Variants in SMG1 observed in about 807,000 individuals in gnomAD.
SMG1 encodes SMG1 nonsense mediated mRNA decay associated PI3K related kinase.
A neutral mutation model predicts 419.9 loss-of-function variants in SMG1; 22 were observed. The ratio of observed to expected loss-of-function variants is 0.05; its 90% confidence interval spans 0.04 to 0.07. The LOEUF is 0.07. SMG1 is among the 10% of genes least tolerant of loss of function. The pLI is 1.00. For missense variants in SMG1, 3,185 were observed against 4,342.0 expected (o/e 0.73, Z 7.49); for synonymous variants, 1,538 against 1,553.5 (o/e 0.99, Z 0.23).
rs573508089 is a variant in SMG1 at position 18,854,575 on chromosome 16, C to G, written c.4483+81G>C. 5.0e-5 allele frequency: 67 copies of G among 1,338,974 alleles called. No individual in the cohort carries two copies. The East Asian group carries it at 1.4e-3, about 28-fold the overall frequency. 82.9% of individuals were successfully genotyped at this position (1,338,974 alleles called of 1,614,324 possible). ...AAATGATCAACTTTGCTATTACTAC[C>G]TTATACCATACATACACAGTAACAT... On this transcript the variant is annotated intron_variant, in intron 30 of 62. Coordinates refer to ENST00000446231, the MANE Select transcript of SMG1 (RefSeq NM_015092.5).
Position 18,852,147 on chromosome 16 carries a change from G to T in SMG1, c.4972C>A (p.Pro1658Thr). The T allele has an allele frequency of 1.9e-6, 3 of 1,613,798 alleles. No homozygotes were observed. The highest frequency in any genetic ancestry group is 2.5e-6 in the Non-Finnish European group (3 of 1,179,840). ...REKSEVQNLL[P>T]DTITEEEKER... ...TTCTCTTCCTCAGTTATAGTGTCTG[G>T]AAGTAGATTCTGAACTTCAGATTTT... is the stretch of plus-strand genomic sequence containing the variant. The change falls in exon 33 of 63, where the codon CCA becomes ACA. Residue 1658 changes from proline (P) to threonine (T), a missense_variant. Pro to Thr is a conservative substitution (Grantham distance 38). Transcript: ENST00000446231.
chr16:18,912,145 T>A (rs34573093), intron 1 of SMG1, among the ~76,000 whole-genome samples: 44,708 of 147,330 alleles, frequency 0.3, 7,569 homozygotes, highest in Non-Finnish European at 0.38. Flanking sequence ...TAAAACACAC[T>A]GGTTCTATTT....
Position 18,808,082 on chromosome 16 carries a change from G to C in SMG1, c.*1487C>G, listed in dbSNP as rs2031018811. 6.6e-6 allele frequency: 1 copy of C among 152,136 alleles called. No homozygotes were observed. Among genetic ancestry groups the C allele is most frequent in the Non-Finnish European group, 1.5e-5 (1 of 68,032 alleles). 9.4% of individuals were successfully genotyped at this position (152,136 alleles called of 1,614,324 possible). ...AGCCAACAATTAAGATTTTAATTGT[G>C]TTCTATTTTGTATTGATACTTGATT... On this transcript the variant is annotated 3_prime_UTR_variant, in exon 63 of 63. Coordinates refer to ENST00000446231, the MANE Select transcript of SMG1 (RefSeq NM_015092.5).
rs773787855 is a variant in SMG1 at position 18,864,157 on chromosome 16, T to G, written c.3351-13A>C. 6.8e-7 allele frequency: 1 copy of G among 1,480,624 alleles called. No individual in the cohort carries two copies. Among genetic ancestry groups the G allele is most frequent in the Non-Finnish European group, 9.0e-7 (1 of 1,109,756 alleles). 91.7% of individuals were successfully genotyped at this position (1,480,624 alleles called of 1,614,324 possible). A position where few individuals can be genotyped will look rare whatever the true frequency, so the allele number is the denominator to read the frequency against. The stretch of plus-strand genomic sequence containing the variant: ...GGCCTTTTCAAACCTGAAAAGCAAA[T>G]TGAAGCAGTCTTATTTATTTATCTA... On this transcript the variant is annotated splice_polypyrimidine_tract_variant and intron_variant, in intron 23 of 62. Coordinates refer to ENST00000446231, the MANE Select transcript of SMG1 (RefSeq NM_015092.5).
At chr16:18,913,479 C>T (rs2037862050) in intron 1 of SMG1, among the ~76,000 whole-genome samples, 1 of 151,068 alleles carries the variant, frequency 6.6e-6, no homozygotes, top group African/African-American at 2.4e-5. Context: ...ACTTTAAATT[C>T]AAAGAGCTTC....
intron 5 of SMG1, 130 bp downstream of exon 5, chr16:18,890,733 A>G (rs2141807056): frequency 1.6e-6 from 1 of 632,176 alleles, no homozygotes; most frequent in East Asian, 2.8e-5. Context: ...GATAAAAATG[A>G]CAAGACCCAC....
intron 41 of SMG1, among the ~76,000 whole-genome samples, chr16:18,841,271 G>GC (rs919161153): frequency 2.6e-5 from 4 of 151,400 alleles, no homozygotes; most frequent in Admixed American, 1.3e-4. Context: ...GTGGTTGTGC[G>GC]CCCCCCATAG....
chr16:18,829,903 T>C (rs1567330091), intron 53 of SMG1, 23 bp downstream of exon 53: 3 of 1,507,696 alleles, frequency 2.0e-6, no homozygotes, highest in East Asian at 2.3e-5. Context: ...CTAAAGCTAG[T>C]ATGTTTACAG....
In SMG1 at chr16:18,894,615, A is replaced by C. The variant is rs192931790; in HGVS notation, c.412+1437T>G. 2.7e-3 allele frequency among the ~76,000 whole-genome samples: 404 copies of C among 151,580 alleles called. 3 individuals carry two copies. The highest frequency in any genetic ancestry group is 9.3e-3 in the African/African-American group (383 of 41,326). On this transcript the variant is annotated intron_variant, in intron 3 of 62. Coordinates refer to ENST00000446231, the MANE Select transcript of SMG1 (RefSeq NM_015092.5). Reference sequence around the variant, plus strand: ...GAAATCAGTTTTTTAAAAGTTATATACCAACAATAAAAGCTACAGGCACAA... The same window carrying C: ...GAAATCAGTTTTTTAAAAGTTATATCCCAACAATAAAAGCTACAGGCACAA...
chr16:18,882,157 G>A lies in SMG1; in HGVS notation c.1293+8C>T. 6.5e-7 allele frequency: 1 copy of A among 1,537,394 alleles called. No individual in the cohort carries two copies. The highest frequency in any genetic ancestry group is 8.8e-7 in the Non-Finnish European group (1 of 1,142,544). ...TGAATGACACTTGAAATGCCCAAAA[G>A]CACTTACATCTGTTACATATGCCTC... On this transcript the variant is annotated splice_region_variant and intron_variant, in intron 10 of 62. Transcript: ENST00000446231.
chr16:18,842,650 C>T (rs1024100876), intron 39 of SMG1, among the ~76,000 whole-genome samples, 196 bp from the exon 40 acceptor site: 1 of 152,104 alleles, frequency 6.6e-6, no homozygotes, highest in African/African-American at 2.4e-5. Context: ...CATGGCAAAA[C>T]CCCATCTCTA....
In SMG1 at chr16:18,830,233, A is replaced by G. The variant is rs1458048102; in HGVS notation, c.8929T>C (p.Leu2977=). Residue 2977 remains leucine (L), a synonymous_variant, in exon 52 of 63, where the codon TTA becomes CTA. Coordinates refer to ENST00000446231, the MANE Select transcript of SMG1 (RefSeq NM_015092.5). ...TCCACATTTACCTTTTCAACTAATA[A>G]GCTGAAAGCAGTTTCAACTTGAGCA... ...MFAQVETAFS[L]LVEKLNKMEI... is the part of the protein sequence containing the mutation. 4 of 1,613,774 alleles carry G rather than the reference A, an allele frequency of 2.5e-6. No individual in the cohort carries two copies. Among genetic ancestry groups the G allele is most frequent in the Admixed American group, 1.7e-5 (1 of 59,988 alleles).
chr16:18,898,625 A>G (rs915834614), intron 1 of SMG1, among the ~76,000 whole-genome samples: 8 of 152,114 alleles, frequency 5.3e-5, no homozygotes, highest in African/African-American at 1.7e-4. Flanking sequence ...TTTCTGACAG[A>G]GTTTGAACTT....
intron 1 of SMG1, among the ~76,000 whole-genome samples, chr16:18,900,445 TA>T (rs957614928): frequency 6.6e-6 from 1 of 152,152 alleles, no homozygotes; most frequent in African/African-American, 2.4e-5. Context: ...ATCGCCTGAC[TA>T]AATGTAGCCT....
rs965292944 is a variant in SMG1 at position 18,841,271 on chromosome 16, G to A, written c.6696+294C>T. Among the ~76,000 whole-genome samples, 8 of 151,400 alleles carry A rather than the reference G, an allele frequency of 5.3e-5. No homozygotes were observed. The South Asian group carries it at 1.5e-3, about 28-fold the overall frequency. Reference sequence around the variant, plus strand: ...AAAAATTACCCAGGTGTGGTTGTGCGCCCCCCATAGTTCCCGCTACTCGGG... The same window carrying A: ...AAAAATTACCCAGGTGTGGTTGTGCACCCCCCATAGTTCCCGCTACTCGGG... On this transcript the variant is annotated intron_variant, in intron 41 of 62. Coordinates refer to ENST00000446231, the MANE Select transcript of SMG1 (RefSeq NM_015092.5).
intron 3 of SMG1, among the ~76,000 whole-genome samples, chr16:18,894,334 C>G (rs2037019442): frequency 6.6e-6 from 1 of 152,012 alleles, no homozygotes; most frequent in South Asian, 2.1e-4. Flanking sequence ...TTACAAATCC[C>G]TAGCCCATAG....
rs1220551380 is a variant in SMG1 at position 18,853,874 on chromosome 16, A to G, written c.4484-7T>C. 1 of 1,601,384 alleles carries G rather than the reference A, an allele frequency of 6.2e-7. No individual in the cohort carries two copies. The highest frequency in any genetic ancestry group is 1.3e-5 in the African/African-American group (1 of 74,652). On this transcript the variant is annotated splice_polypyrimidine_tract_variant and splice_region_variant and intron_variant, in intron 30 of 62. Transcript: ENST00000446231. ...ATTGCATGTGTTGACTGGCCTACAG[A>G]AAACCACAAAGTCAGAACTTAGAAC...
At chr16:18,818,120 C>T (rs1276784928) in intron 56 of SMG1, among the ~76,000 whole-genome samples, 2 of 151,656 alleles carry the variant, frequency 1.3e-5, no homozygotes, top group Admixed American at 1.3e-4. Context: ...TGGTGGCTCA[C>T]ACCTGTAATC....
At chr16:18,835,662 T>G (rs935696382) in intron 48 of SMG1, among the ~76,000 whole-genome samples, 1 of 151,684 alleles carries the variant, frequency 6.6e-6, no homozygotes, top group Non-Finnish European at 1.5e-5. Context: ...TCCCAGAAAT[T>G]TGGGAGGCCC....
Sources: gnomAD v4.1 joint callset for allele counts (sites outside exome capture counted in the v4.1 genomes callset) on GRCh38, gnomAD v4.1.1 for gene constraint, MANE v1.5 for transcripts, NCBI Gene and HGNC (gene_info 2026-07-23, HGNC 2026-07-21) for gene names.